Variants in SHISA9 observed in about 807,000 individuals in gnomAD.
The protein encoded by SHISA9 is shisa family member 9, also known as protein shisa-9.
In SHISA9, 13 loss-of-function variants were observed where a neutral mutation model predicts 38.0. That is an observed-to-expected ratio of 0.34 (90% CI 0.22 to 0.54). The LOEUF (loss-of-function observed/expected upper bound fraction) is 0.54. SHISA9 is among the 20% of genes least tolerant of loss of function. The probability of loss-of-function intolerance (pLI) is 0.91; values close to 1 mark genes in which losing one functional copy is unlikely to be tolerated. For synonymous variants in SHISA9, 275 were observed against 242.0 expected (o/e 1.14, Z -1.27); for missense variants, 538 against 575.8 (o/e 0.93, Z 0.67).
chr16:13,367,712 G>GCGCGCACACA, the SHISA9 span, among the ~76,000 whole-genome samples: 159 of 104,670 alleles, frequency 1.5e-3, no homozygotes, highest in Middle Eastern at 0.01. Flanking sequence ...GCGCGCGCGC[G>GCGCGCACACA]CACACACACA....
At chr16:13,526,605 C>T in the SHISA9 span, among the ~76,000 whole-genome samples, 2 of 152,052 alleles carry the variant, frequency 1.3e-5, no homozygotes, top group African/African-American at 4.8e-5. Context: ...AGGCTGGTCT[C>T]GAACCCCTGA....
the SHISA9 span, among the ~76,000 whole-genome samples, chr16:13,434,787 A>G: frequency 8.6e-3 from 1,314 of 152,288 alleles, 19 homozygotes; most frequent in African/African-American, 0.03. Flanking sequence ...AAATGAACGA[A>G]TAAATGAATA....
At chr16:13,064,806 AAAAG>A (rs1445205905) in intron 2 of SHISA9, among the ~76,000 whole-genome samples, 62 of 151,828 alleles carry the variant, frequency 4.1e-4, no homozygotes, top group Non-Finnish European at 8.4e-4. Flanking sequence ...AAAAAAGAAA[AAAAG>A]AGAACAAATG....
chr16:13,496,948 T>A, the SHISA9 span, among the ~76,000 whole-genome samples: 1 of 152,194 alleles, frequency 6.6e-6, no homozygotes, highest in African/African-American at 2.4e-5. Flanking sequence ...CTTCCAAAGT[T>A]AATTAATGCG....
chr16:13,436,448 C>G, the SHISA9 span, among the ~76,000 whole-genome samples: 26 of 152,310 alleles, frequency 1.7e-4, no homozygotes, highest in Non-Finnish European at 3.7e-4. Context: ...ACCCTCAATT[C>G]CAGGAATCCC....
chr16:13,328,378 G>C, the SHISA9 span, among the ~76,000 whole-genome samples: 1 of 149,874 alleles, frequency 6.7e-6, no homozygotes, highest in Non-Finnish European at 1.5e-5. Context: ...ACCTCCCCAT[G>C]TTAGCAACAT....
the SHISA9 span, among the ~76,000 whole-genome samples, chr16:13,319,349 C>T: frequency 1.3e-5 from 2 of 152,102 alleles, no homozygotes; most frequent in South Asian, 2.1e-4. Context: ...AACCGCTTGG[C>T]GAGAAATCAT....
At chr16:13,061,890 G>A (rs2073380541) in intron 2 of SHISA9, among the ~76,000 whole-genome samples, 1 of 152,164 alleles carries the variant, frequency 6.6e-6, no homozygotes, top group African/African-American at 2.4e-5. Context: ...AATGGTGGGG[G>A]GAGGAGCATT....
intron 2 of SHISA9, among the ~76,000 whole-genome samples, chr16:13,148,637 T>C (rs1018709380): frequency 5.4e-5 from 8 of 148,832 alleles, no homozygotes; most frequent in African/African-American, 2.0e-4. Context: ...GACACACACA[T>C]TCTCATTCAC....
the SHISA9 span, among the ~76,000 whole-genome samples, chr16:13,427,208 C>T: frequency 6.6e-6 from 1 of 152,194 alleles, no homozygotes; most frequent in African/African-American, 2.4e-5. Flanking sequence ...ACAAACTCAT[C>T]AGCCAGAGTC....
downstream of SHISA9, among the ~76,000 whole-genome samples, chr16:13,243,769 GTTTTT>G (rs34605909): frequency 1.1e-5 from 1 of 89,824 alleles, no homozygotes; most frequent in Non-Finnish European, 2.2e-5. Context: ...TTACAGCAGC[GTTTTT>G]TTTTTTTTTT....
Position 13,235,085 on chromosome 16 carries a change from T to C in SHISA9, c.951T>C (p.Ala317=). The change falls in exon 5 of 5, where the codon GCT becomes GCC. Residue 317 remains alanine (A), a synonymous_variant. Transcript: ENST00000558583. ...AGCGACGGCACCTGGCTGAGCTGGC[T>C]GCCAAGGGGAACTTACCTCTGCACC... The part of the protein sequence containing the change: ...YTKRRHLAEL[A]AKGNLPLHPV... 4 of 1,551,564 alleles carry C rather than the reference T, an allele frequency of 2.6e-6. No homozygotes were observed. The highest frequency in any genetic ancestry group is 2.4e-5 in the South Asian group (2 of 84,040).
chr16:13,472,797 A>C, the SHISA9 span, among the ~76,000 whole-genome samples: 1 of 152,164 alleles, frequency 6.6e-6, no homozygotes, highest in Non-Finnish European at 1.5e-5. Flanking sequence ...TCTCCCATTA[A>C]TTCCATCTAC....
intron 2 of SHISA9, among the ~76,000 whole-genome samples, chr16:12,998,246 C>T (rs182639647): frequency 6.6e-6 from 1 of 152,310 alleles, no homozygotes; most frequent in African/African-American, 2.4e-5. Flanking sequence ...AAGGTCCATG[C>T]ATTAGTTAAG....
chr16:13,004,947 A>AG (rs2072577639), intron 2 of SHISA9, among the ~76,000 whole-genome samples: 1 of 128,870 alleles, frequency 7.8e-6, no homozygotes, highest in South Asian at 2.5e-4. Context: ...GAAAAAGAAA[A>AG]AAAAAAAAAA....
chr16:13,491,818 C>CTTTTTTTTTTT, the SHISA9 span, among the ~76,000 whole-genome samples: 15 of 44,548 alleles, frequency 3.4e-4, 2 homozygotes, highest in African/African-American at 5.2e-4. Flanking sequence ...ATTTATTGAC[C>CTTTTTTTTTTT]TTTTTTTTTT....
the SHISA9 span, among the ~76,000 whole-genome samples, chr16:13,275,652 C>T: frequency 1.3e-5 from 2 of 151,954 alleles, no homozygotes; most frequent in East Asian, 1.9e-4. Flanking sequence ...AAGAGCTTAC[C>T]GTTAGTATGA....
intron 3 of SHISA9, among the ~76,000 whole-genome samples, chr16:13,211,269 G>T (rs1215956667): frequency 1.3e-5 from 2 of 151,008 alleles, no homozygotes; most frequent in African/African-American, 4.9e-5. Flanking sequence ...TTGTGCCACT[G>T]CACTCCAGCC....
chr16:13,460,032 C>G, the SHISA9 span, among the ~76,000 whole-genome samples: 1 of 152,098 alleles, frequency 6.6e-6, no homozygotes, highest in African/African-American at 2.4e-5. Context: ...CTGAGCCTCC[C>G]AAAGTGCTGG....
Sources: allele counts gnomAD v4.1 joint callset (sites outside exome capture counted in the v4.1 genomes callset), GRCh38; gene constraint gnomAD v4.1.1; transcripts MANE v1.5; gene names NCBI Gene and HGNC (gene_info 2026-07-23, HGNC 2026-07-21).